SRC: variants seen among roughly 807,000 people sequenced by gnomAD.
SRC encodes the protein proto-oncogene tyrosine-protein kinase Src.
SRC carries 13 observed loss-of-function variants against 62.9 expected under a neutral mutation model. The ratio of observed to expected loss-of-function variants is 0.21; its 90% CI spans 0.13 to 0.33. The LOEUF (loss-of-function observed/expected upper bound fraction) is 0.33, where lower values mean the gene tolerates loss of function less well. Among genes scored for constraint, SRC ranks in the 10% least tolerant of loss-of-function variants. SRC has a pLI of 1.00. For synonymous variants in SRC, 302 were observed against 317.5 expected (o/e 0.95, Z 0.52); for missense variants, 457 against 737.3 (o/e 0.62, Z 4.40).
intron 1 of SRC, among the ~76,000 whole-genome samples, chr20:37,362,591 C>G (rs1039370561): frequency 1.3e-5 from 2 of 152,104 alleles, no homozygotes; most frequent in African/African-American, 4.8e-5. Context: ...CTTCTCTGAG[C>G]CTTAGCCTCC....
Position 37,384,547 on chromosome 20 carries a change from G to C in SRC, c.250+144G>C, listed in dbSNP as rs1316357227. The C allele has an allele frequency of 2.7e-5, 26 of 958,526 alleles. No homozygotes were observed. The highest frequency in any genetic ancestry group is 3.2e-5 in the Non-Finnish European group (24 of 742,540). 59.4% of individuals were successfully genotyped at this position (958,526 alleles called of 1,614,324 possible). On this transcript the variant is annotated intron_variant, in intron 4 of 13. Transcript: ENST00000373578. The surrounding 1 kb of genome is among the most constrained non-coding windows in gnomAD (Gnocchi z 6.7). ...CCCCTGGGTGACTTGGGTGTCCGGG[G>C]GGTGGGGGGGCGGCCGTACACACTG... is the stretch of plus-strand genomic sequence containing the variant.
In SRC at chr20:37,396,198, C is replaced by T. The variant is rs781751002; in HGVS notation, c.590C>T (p.Ala197Val). Reference sequence around the variant, plus strand: ...CTCTCAGTGTCTGACTTCGACAACGCCAAGGGCCTCAACGTGAAGCACTAC... The same window carrying T: ...CTCTCAGTGTCTGACTTCGACAACGTCAAGGGCCTCAACGTGAAGCACTAC... ...YCLSVSDFDN[A>V]KGLNVKHYKI... is the part of the protein sequence containing the mutation. The change falls in exon 8 of 14, where the codon GCC (alanine) becomes GTC (valine). Residue 197 changes from alanine (A) to valine (V), a missense_variant. Ala to Val is a moderately conservative substitution (Grantham distance 64, BLOSUM62 0). Coordinates refer to ENST00000373578, the MANE Select transcript of SRC (RefSeq NM_198291.3). This position sits in a 1 kb window ranked among gnomAD's most constrained non-coding sequence, Gnocchi z 6.1. 23 of 1,613,832 alleles carry T rather than the reference C, an allele frequency of 1.4e-5. No individual in the cohort carries two copies. Among genetic ancestry groups the T allele is most frequent in the Admixed American group, 8.3e-5 (5 of 60,004 alleles).
At chr20:37,391,757 G>A (rs2070552922) in intron 5 of SRC, among the ~76,000 whole-genome samples, 1 of 152,196 alleles carries the variant, frequency 6.6e-6, no homozygotes, top group African/African-American at 2.4e-5. Flanking sequence ...AGGAGGCTGA[G>A]GCAGGAGAAT....
intron 4 of SRC, 114 bp from the exon 5 acceptor site, chr20:37,385,961 C>T: frequency 1.3e-6 from 1 of 794,956 alleles, no homozygotes; most frequent in Non-Finnish European, 2.2e-6. Context: ...TGTCTTTGGG[C>T]TGAGCACTTG....
rs1167691158 is a variant in SRC, at chr20:37,346,801, C to T, written c.-247+546C>T. Among the ~76,000 whole-genome samples the T allele has an allele frequency of 5.3e-5, 8 of 152,320 alleles. No individual in the cohort carries two copies. The South Asian group carries it at 1.7e-3, about 32-fold the overall frequency. On this transcript the variant is annotated intron_variant, in intron 1 of 13. Coordinates refer to ENST00000373578, the MANE Select transcript of SRC (RefSeq NM_198291.3). The stretch of plus-strand genomic sequence containing the variant: ...TGCTGCCGGCCTGGAAGGGACTGGG[C>T]CAGACTGCGTTTGGTCTCCCCTGCC...
chr20:37,400,029 C>G, intron 9 of SRC, 86 bp from the exon 10 acceptor site: 2 of 1,386,688 alleles, frequency 1.4e-6, no homozygotes, highest in South Asian at 1.5e-5. Context: ...ACAGCTGACA[C>G]TGGCGCCCAG....
chr20:37,389,921 G>A lies in SRC; in HGVS notation c.350+3747G>A, dbSNP rs530448347. 1.6e-4 allele frequency among the ~76,000 whole-genome samples: 24 copies of A among 152,310 alleles called. No individual in the cohort carries two copies. In the South Asian group the frequency reaches 4.8e-3, roughly 30 times the overall value. ...CCACCTGATGAGGACCAGGCCCGGGGGAAGGTGCTGGATGCCGTAGAATTC... is the reference window on the plus strand; with the variant it reads ...CCACCTGATGAGGACCAGGCCCGGGAGAAGGTGCTGGATGCCGTAGAATTC... On this transcript the variant is annotated intron_variant, in intron 5 of 13. Coordinates refer to ENST00000373578, the MANE Select transcript of SRC (RefSeq NM_198291.3).
chr20:37,393,099 C>T (rs1472688664), intron 5 of SRC, among the ~76,000 whole-genome samples: 1 of 152,180 alleles, frequency 6.6e-6, no homozygotes, highest in African/African-American at 2.4e-5. Flanking sequence ...CCCATCACAC[C>T]CCCCACTCCT....
rs2070655034 is a variant in SRC at position 37,396,542 on chromosome 20, C to T, written c.703+231C>T. On this transcript the variant is annotated intron_variant, in intron 8 of 13. Transcript: ENST00000373578. This position sits in a 1 kb window ranked among gnomAD's most constrained non-coding sequence, Gnocchi z 6.1. Reference sequence around the variant, plus strand: ...CTCCCTGTCCCCCTCTCTCCCTGCTCCACGCAGTGTCCCACTGCCCGCCTT... The same window carrying T: ...CTCCCTGTCCCCCTCTCTCCCTGCTTCACGCAGTGTCCCACTGCCCGCCTT... 1 of 609,308 alleles carries T rather than the reference C, an allele frequency of 1.6e-6. No homozygotes were observed. The highest frequency in any genetic ancestry group is 2.8e-6 in the Non-Finnish European group (1 of 351,396). 37.7% of individuals were successfully genotyped at this position (609,308 alleles called of 1,614,324 possible).
At position 37,384,748 on chromosome 20, in the gene SRC, G is replaced by A. The variant is rs1332450989; in HGVS notation, c.250+345G>A. Among the ~76,000 whole-genome samples the A allele has an allele frequency of 2.0e-5, 3 of 152,194 alleles. No homozygotes were observed. The highest frequency in any genetic ancestry group is 4.4e-5 in the Non-Finnish European group (3 of 68,024). ...TTTTCGTTGCCTGGGTCCGCCCAGA[G>A]ATGAGTCGGGACGCGCGGCCCACGT... On this transcript the variant is annotated intron_variant, in intron 4 of 13. Transcript: ENST00000373578. This position sits in a 1 kb window ranked among gnomAD's most constrained non-coding sequence, Gnocchi z 6.7.
At chr20:37,369,427 T>C (rs1186523728) in intron 2 of SRC, among the ~76,000 whole-genome samples, 1 of 152,230 alleles carries the variant, frequency 6.6e-6, no homozygotes, top group Non-Finnish European at 1.5e-5. Context: ...CTTAATTTTA[T>C]TTTTGGATTC....
rs2070766888 is a variant in SRC, at chr20:37,403,068, C to T, written c.1403-103C>T. On this transcript the variant is annotated intron_variant, in intron 13 of 13. Transcript: ENST00000373578. This position sits in a 1 kb window ranked among gnomAD's most constrained non-coding sequence, Gnocchi z 7.1. ...GACAGGACTTATCTATGGTCACTCC[C>T]AACCTGTCCTAGGCAGGAAGCCCTC... is the stretch of plus-strand genomic sequence containing the variant. 1 of 1,355,006 alleles carries T rather than the reference C, an allele frequency of 7.4e-7. No homozygotes were observed. Among genetic ancestry groups the T allele is most frequent in the African/African-American group, 1.5e-5 (1 of 68,794 alleles). 83.9% of individuals were successfully genotyped at this position (1,355,006 alleles called of 1,614,324 possible).
chr20:37,372,169 CGT>C (rs146413088), intron 2 of SRC, among the ~76,000 whole-genome samples: 8 of 143,604 alleles, frequency 5.6e-5, no homozygotes, highest in African/African-American at 8.5e-5. Context: ...GACGATTTTT[CGT>C]GTGTGTGTGT....
chr20:37,370,612 G>A (rs1015249323), intron 2 of SRC, among the ~76,000 whole-genome samples: 6 of 152,132 alleles, frequency 3.9e-5, no homozygotes, highest in African/African-American at 7.2e-5. Flanking sequence ...TCCTGACATC[G>A]GTCTTACTTG....
intron 1 of SRC, among the ~76,000 whole-genome samples, chr20:37,350,947 G>A (rs925449350): frequency 2.0e-5 from 3 of 152,326 alleles, no homozygotes; most frequent in Non-Finnish European, 2.9e-5. Flanking sequence ...TCACAGATCG[G>A]GGGGATTGAG....
Position 37,396,083 on chromosome 20 carries a change from A to G in SRC, c.554-79A>G. ...GCCTCCCTTCCCTCCAATGTCAGGC[A>G]GGCACAGAACGGTGTCCAGAGCAGC... On this transcript the variant is annotated intron_variant, in intron 7 of 13. Transcript: ENST00000373578. The surrounding 1 kb of genome is among the most constrained non-coding windows in gnomAD (Gnocchi z 6.1). 1 of 1,548,150 alleles carries G rather than the reference A, an allele frequency of 6.5e-7. No homozygotes were observed. Among genetic ancestry groups the G allele is most frequent in the Middle Eastern group, 2.4e-4 (1 of 4,246 alleles).
chr20:37,397,860 G>T lies in SRC; in HGVS notation c.859+6G>T, dbSNP rs779181628. 1.1e-5 allele frequency: 18 copies of T among 1,607,154 alleles called. No homozygotes were observed. The South Asian group carries it at 1.2e-4, about 11-fold the overall frequency. On this transcript the variant is annotated splice_donor_region_variant and intron_variant, in intron 9 of 13. Transcript: ENST00000373578. This position sits in a 1 kb window ranked among gnomAD's most constrained non-coding sequence, Gnocchi z 4.1. ...CTTTGGCGAGGTGTGGATGGGTAAG[G>T]CCTGGCCCCTGCCCTCGGGAGAGGC...
rs2069799567 is a variant in SRC at position 37,351,441 on chromosome 20, G to C, written c.-247+5186G>C. On this transcript the variant is annotated intron_variant, in intron 1 of 13. Transcript: ENST00000373578. The surrounding 1 kb of genome is among the most constrained non-coding windows in gnomAD (Gnocchi z 4.4). ...GGGGTGGGGATGTCTGTGGTGGGTGGGTGGTGATATTTGTGGACCCACTGA... is the reference window on the plus strand; with the variant it reads ...GGGGTGGGGATGTCTGTGGTGGGTGCGTGGTGATATTTGTGGACCCACTGA... Among the ~76,000 whole-genome samples, 1 of 152,106 alleles carries C rather than the reference G, an allele frequency of 6.6e-6. No homozygotes were observed. Among genetic ancestry groups the C allele is most frequent in the Admixed American group, 6.5e-5 (1 of 15,274 alleles).
At chr20:37,382,069 G>A (rs1162058593) in intron 2 of SRC, among the ~76,000 whole-genome samples, 1 of 152,178 alleles carries the variant, frequency 6.6e-6, no homozygotes, top group Non-Finnish European at 1.5e-5. Flanking sequence ...AAACAGCCTT[G>A]CCCGAGGACC....
Sources: gnomAD v4.1 joint callset for allele counts (sites outside exome capture counted in the v4.1 genomes callset) on GRCh38, gnomAD v4.1.1 for gene constraint, Gnocchi (gnomAD v3.1) non-coding constraint, MANE v1.5 for transcripts, NCBI Gene and HGNC (gene_info 2026-07-23, HGNC 2026-07-21) for gene names.